TOX: variants seen among roughly 807,000 people sequenced by gnomAD.
TOX encodes thymocyte selection associated high mobility group box.
In TOX, 11 loss-of-function variants were observed where a neutral mutation model predicts 53.7. The observed-to-expected ratio is 0.20, with a 90% CI of 0.13 to 0.34. The LOEUF is 0.34. Ranked by LOEUF, TOX falls within the 10% of genes least tolerant of loss-of-function variation. TOX has a pLI of 1.00. For synonymous variants in TOX, 225 were observed against 245.3 expected (o/e 0.92, Z 0.77); for missense variants, 570 against 664.6 (o/e 0.86, Z 1.56).
chr8:58,926,418 A>C (rs748474626), intron 3 of TOX, among the ~76,000 whole-genome samples: 2 of 152,174 alleles, frequency 1.3e-5, no homozygotes, highest in Non-Finnish European at 2.9e-5. Flanking sequence ...ACGTCAATTT[A>C]TCATTCTTGA....
intron 5 of TOX, among the ~76,000 whole-genome samples, chr8:58,836,124 A>G (rs1222852551): frequency 1.3e-5 from 2 of 152,168 alleles, no homozygotes; most frequent in Non-Finnish European, 2.9e-5. Flanking sequence ...ACTGGAGGAG[A>G]CAGCGAGCTA....
chr8:59,108,600 A>C (rs1804953986), intron 1 of TOX, among the ~76,000 whole-genome samples: 1 of 151,886 alleles, frequency 6.6e-6, no homozygotes, highest in Non-Finnish European at 1.5e-5. Flanking sequence ...AACATAGTTG[A>C]GTTTCATTTT....
At chr8:58,877,489 T>G (rs1169113858) in intron 3 of TOX, among the ~76,000 whole-genome samples, 1 of 152,216 alleles carries the variant, frequency 6.6e-6, no homozygotes, top group Non-Finnish European at 1.5e-5. Context: ...TGTATTCACT[T>G]TCTCGATCTT....
intron 1 of TOX, among the ~76,000 whole-genome samples, chr8:59,025,787 T>C (rs1262797309): frequency 1.3e-5 from 2 of 152,130 alleles, no homozygotes; most frequent in African/African-American, 2.4e-5. Flanking sequence ...TCCTCATCAT[T>C]GTCACTGCAC....
chr8:58,915,760 C>T lies in TOX; in HGVS notation c.411+23542G>A, dbSNP rs543063709. ...CAGACGATCAAATTACTCTGAACTA[C>T]GGGAGGACATTCAAACCAAAGGCAA... On this transcript the variant is annotated intron_variant, in intron 3 of 8. Coordinates refer to ENST00000361421, the MANE Select transcript of TOX (RefSeq NM_014729.3). 2.2e-3 allele frequency among the ~76,000 whole-genome samples: 335 copies of T among 151,792 alleles called. 3 individuals are homozygous for T. The highest frequency in any genetic ancestry group is 7.5e-3 in the African/African-American group (309 of 41,194).
At chr8:58,910,068 A>T (rs551779065) in intron 3 of TOX, among the ~76,000 whole-genome samples, 2 of 152,164 alleles carry the variant, frequency 1.3e-5, no homozygotes, top group African/African-American at 4.8e-5. Context: ...AGCCACAGAG[A>T]CCAATTTGGC....
intron 3 of TOX, among the ~76,000 whole-genome samples, chr8:58,891,663 A>T (rs1360471307): frequency 6.6e-6 from 1 of 152,234 alleles, no homozygotes; most frequent in African/African-American, 2.4e-5. Flanking sequence ...TTTCTGTTAG[A>T]TAACTCTGAT....
At chr8:59,096,545 G>A (rs1804714689) in intron 1 of TOX, among the ~76,000 whole-genome samples, 1 of 152,096 alleles carries the variant, frequency 6.6e-6, no homozygotes, top group Non-Finnish European at 1.5e-5. Flanking sequence ...AAAAATTATG[G>A]TCTATAATTT....
At chr8:58,860,105 T>C (rs1810982975) in intron 3 of TOX, among the ~76,000 whole-genome samples, 1 of 152,164 alleles carries the variant, frequency 6.6e-6, no homozygotes, top group African/African-American at 2.4e-5. Context: ...CGCCATTTTA[T>C]TCGATTTTTT....
At chr8:59,085,157 T>C (rs1804483962) in intron 1 of TOX, among the ~76,000 whole-genome samples, 1 of 152,232 alleles carries the variant, frequency 6.6e-6, no homozygotes. Flanking sequence ...GGAACTTTAC[T>C]ACCAAACTTT....
chr8:58,998,524 T>TAAA (rs1563413430), intron 1 of TOX, among the ~76,000 whole-genome samples: 1,050 of 14,168 alleles, frequency 0.074, 7 homozygotes, highest in Middle Eastern at 0.11. Flanking sequence ...TATATATATA[T>TAAA]ATATATATAT....
chr8:58,959,986 A>G lies in TOX; in HGVS notation c.125T>C (p.Met42Thr). The change falls in exon 2 of 9, where the codon ATG becomes ACG. Residue 42 changes from methionine (M) to threonine (T), a missense_variant. Met to Thr is a moderately conservative substitution (Grantham distance 81). Transcript: ENST00000361421. ...CNKFDGENMYMSMTEPSQDYV... is the reference protein window; with the variant it reads ...CNKFDGENMYTSMTEPSQDYV... ...GTCCTGGCTCGGCTCTGTCATGCTC[A>G]TATACATGTTCTCACCGTCAAACTG... The G allele has an allele frequency of 8.7e-6, 14 of 1,614,188 alleles. No homozygotes were observed. The highest frequency in any genetic ancestry group is 1.1e-5 in the South Asian group (1 of 91,082).
At chr8:58,915,365 A>C (rs1811995109) in intron 3 of TOX, among the ~76,000 whole-genome samples, 1 of 88,830 alleles carries the variant, frequency 1.1e-5, no homozygotes, top group African/African-American at 4.8e-5. Flanking sequence ...GAGAACGGGC[A>C]GACTGCCTCC....
chr8:58,862,820 T>C (rs895000145), intron 3 of TOX, among the ~76,000 whole-genome samples: 2 of 152,138 alleles, frequency 1.3e-5, no homozygotes, highest in Admixed American at 1.3e-4. Flanking sequence ...ATTAAAACTC[T>C]ATCCTGTAAC....
chr8:59,063,721 C>T (rs1477307280), intron 1 of TOX, among the ~76,000 whole-genome samples: 3 of 151,994 alleles, frequency 2.0e-5, no homozygotes, highest in Non-Finnish European at 4.4e-5. Flanking sequence ...GCGCCCGGCC[C>T]GGGATAGACT....
At chr8:59,001,088 T>C (rs1813680974) in intron 1 of TOX, among the ~76,000 whole-genome samples, 2 of 152,182 alleles carry the variant, frequency 1.3e-5, no homozygotes, top group African/African-American at 4.8e-5. Flanking sequence ...ATCTCTGTAA[T>C]AGTCTCTCAA....
At chr8:58,980,463 G>A (rs774963833) in intron 1 of TOX, among the ~76,000 whole-genome samples, 4 of 151,896 alleles carry the variant, frequency 2.6e-5, no homozygotes, top group South Asian at 2.1e-4. Flanking sequence ...GAACCTACTC[G>A]TAAACTTTGT....
At chr8:58,949,444 T>C (rs1050745243) in intron 2 of TOX, among the ~76,000 whole-genome samples, 1 of 152,210 alleles carries the variant, frequency 6.6e-6, no homozygotes, top group East Asian at 1.9e-4. Flanking sequence ...TAACATTCTA[T>C]AGTTCTCTAC....
At chr8:58,807,906 T>C in intron 8 of TOX, 123 bp from the exon 9 acceptor site, 1 of 1,341,658 alleles carries the variant, frequency 7.5e-7, no homozygotes, top group Admixed American at 1.9e-5. Context: ...GAAACTGCAA[T>C]TAGTTAACCT....
Sources: allele counts gnomAD v4.1 joint callset (sites outside exome capture counted in the v4.1 genomes callset), GRCh38; gene constraint gnomAD v4.1.1; transcripts MANE v1.5; gene names NCBI Gene and HGNC (gene_info 2026-07-23, HGNC 2026-07-21).